The following DGKH variants were observed in gnomAD, a reference collection of about 807,000 sequenced individuals.
DGKH encodes DAG kinase eta.
A neutral mutation model predicts 159.3 loss-of-function variants in DGKH; 90 were observed. That is an observed-to-expected ratio of 0.57 (90% confidence interval 0.48 to 0.67). DGKH has a LOEUF of 0.67. DGKH is among the 30% of genes least tolerant of loss of function. The pLI is 0.00. For synonymous variants in DGKH, 536 were observed against 553.8 expected, an observed-to-expected ratio of 0.97 and a Z score of 0.45; for missense variants, 1,181 against 1,506.1, an observed-to-expected ratio of 0.78 and a Z score of 3.57.
intron 23 of DGKH, 29 bp downstream of exon 23, chr13:42,209,494 A>G (rs1177839354): frequency 1.3e-6 from 2 of 1,536,090 alleles, no homozygotes; most frequent in African/African-American, 1.4e-5. Context: ...CTTCTAGAAT[A>G]TTGTCAGGTT....
chr13:42,149,404 A>G (rs773156224), intron 3 of DGKH, among the ~76,000 whole-genome samples: 25 of 152,166 alleles, frequency 1.6e-4, no homozygotes, highest in Non-Finnish European at 2.6e-4. Context: ...AGAAGATGAC[A>G]GGAACCTACT....
At chr13:42,055,451 A>C (rs1313999114) in intron 1 of DGKH, among the ~76,000 whole-genome samples, 1 of 152,254 alleles carries the variant, frequency 6.6e-6, no homozygotes, top group East Asian at 1.9e-4. Context: ...CCATTATTAA[A>C]GATAAGAGAC....
intron 29 of DGKH, among the ~76,000 whole-genome samples, chr13:42,224,773 G>A (rs954578538): frequency 1.3e-5 from 2 of 151,850 alleles, no homozygotes; most frequent in African/African-American, 2.4e-5. Context: ...ACTCTCTTTT[G>A]CTGTGCTTCT....
chr13:42,136,957 A>G (rs1955414733), intron 3 of DGKH, among the ~76,000 whole-genome samples: 2 of 152,220 alleles, frequency 1.3e-5, no homozygotes, highest in African/African-American at 4.8e-5. Context: ...ACATACTCTT[A>G]TGGCACATCA....
intron 16 of DGKH, among the ~76,000 whole-genome samples, chr13:42,192,854 T>C (rs1028139481): frequency 5.3e-5 from 8 of 152,188 alleles, no homozygotes; most frequent in African/African-American, 9.7e-5. Context: ...TAAAATGTGA[T>C]GCACCATTTT....
intron 2 of DGKH, among the ~76,000 whole-genome samples, chr13:42,128,971 G>A (rs761713760): frequency 6.6e-6 from 1 of 152,212 alleles, no homozygotes; most frequent in Non-Finnish European, 1.5e-5. Context: ...GACTAAAAGT[G>A]GGAAGCCTAC....
chr13:42,080,944 A>C (rs1034019053), intron 1 of DGKH, among the ~76,000 whole-genome samples: 1 of 152,186 alleles, frequency 6.6e-6, no homozygotes, highest in Non-Finnish European at 1.5e-5. Flanking sequence ...GGAAACTAAG[A>C]ATCAGAGAAG....
intron 7 of DGKH, among the ~76,000 whole-genome samples, chr13:42,161,197 C>T (rs1594119021): frequency 6.6e-6 from 1 of 152,116 alleles, no homozygotes; most frequent in Non-Finnish European, 1.5e-5. Flanking sequence ...AGGAATTCTA[C>T]CCATAAACAA....
chr13:42,223,001 T>G (rs1449265126), intron 29 of DGKH, among the ~76,000 whole-genome samples: 1 of 152,212 alleles, frequency 6.6e-6, no homozygotes, highest in Admixed American at 6.5e-5. Context: ...GACTTTTTTG[T>G]TCTGTTTTGT....
chr13:42,239,523 G>A lies in DGKH; in HGVS notation c.*10335G>A, dbSNP rs990816147. The A allele has an allele frequency of 6.6e-6, 1 of 152,520 alleles. No individual in the cohort carries two copies. The highest frequency in any genetic ancestry group is 2.4e-5 in the African/African-American group (1 of 41,420). The allele number at this position is 152,520 out of a possible 1,614,324, so 9.4% of individuals were successfully genotyped here. A position where few individuals can be genotyped will look rare whatever the true frequency, so the allele number is the denominator to read the frequency against. On this transcript the variant is annotated 3_prime_UTR_variant, in exon 30 of 30. Transcript: ENST00000337343. ...TCATTTTTTGATTATGTCAAAAGTTGAATTCTCATTTTATGCTGTGTTTCT... is the reference window on the plus strand; with the variant it reads ...TCATTTTTTGATTATGTCAAAAGTTAAATTCTCATTTTATGCTGTGTTTCT...
rs1460696755 is a variant in DGKH, at chr13:42,237,108, A to C, written c.*7920A>C. 2.0e-5 allele frequency: 3 copies of C among 152,228 alleles called. No homozygotes were observed. Among genetic ancestry groups the C allele is most frequent in the Non-Finnish European group, 2.9e-5 (2 of 68,046 alleles). The allele number at this position is 152,228 out of a possible 1,614,324, so 9.4% of individuals were successfully genotyped here. On this transcript the variant is annotated 3_prime_UTR_variant, in exon 30 of 30. Transcript: ENST00000337343. ...ATTACTCTCAATTTAACTGTTTAAA[A>C]AACTAAAAATTTAAAACATAATGGC... is the stretch of plus-strand genomic sequence containing the variant.
chr13:42,198,039 T>G (rs1198096104), intron 17 of DGKH, among the ~76,000 whole-genome samples: 4 of 152,220 alleles, frequency 2.6e-5, no homozygotes, highest in Non-Finnish European at 5.9e-5. Context: ...ATACATCTCT[T>G]AATATTTTAA....
intron 13 of DGKH, among the ~76,000 whole-genome samples, chr13:42,179,783 A>AC (rs2138064820): frequency 6.6e-6 from 1 of 151,126 alleles, no homozygotes; most frequent in East Asian, 1.9e-4. Flanking sequence ...CTTGTCTCAA[A>AC]AAAAAAAAAA....
At chr13:42,110,543 G>A (rs1253222822) in intron 1 of DGKH, among the ~76,000 whole-genome samples, 2 of 149,084 alleles carry the variant, frequency 1.3e-5, no homozygotes, top group African/African-American at 5.0e-5. Context: ...GATGTGAGTA[G>A]GGGCATTTGA....
At chr13:42,209,588 G>T in intron 23 of DGKH, 123 bp downstream of exon 23, 1 of 1,127,530 alleles carries the variant, frequency 8.9e-7, no homozygotes, top group South Asian at 2.2e-5. Flanking sequence ...AGGTCATGGT[G>T]GTTTGAAATA....
chr13:42,189,122 C>A lies in DGKH; in HGVS notation c.1725C>A (p.Ser575Arg), dbSNP rs1293542698. The A allele has an allele frequency of 6.2e-7, 1 of 1,614,244 alleles. No individual in the cohort carries two copies. The highest frequency in any genetic ancestry group is 2.2e-5 in the East Asian group (1 of 44,888). Residue 575 changes from serine to arginine, a missense_variant, in exon 15 of 30, where the codon AGC becomes AGA. Ser to Arg is a moderately radical substitution (Grantham distance 110). Around this residue, in one of 5 missense-constraint regions of DGKH, gnomAD observed 257 missense variants for 281.5 expected, o/e 0.91. Transcript: ENST00000337343. ...CTGCGCCTGTTCTCCCTGGCCTCAG[C>A]CCTCTCATTGTGGAAGAAGATGCTG... ...SQAAPVLPGL[S>R]PLIVEEDAVE...
chr13:42,218,368 C>T (rs558847671), intron 26 of DGKH, among the ~76,000 whole-genome samples: 11 of 152,214 alleles, frequency 7.2e-5, no homozygotes, highest in African/African-American at 2.6e-4. Flanking sequence ...AGTTTTTCAT[C>T]ACAGATTTTT....
At chr13:42,199,998 A>T (rs1312211075) in intron 20 of DGKH, 89 bp downstream of exon 20, 1 of 1,060,226 alleles carries the variant, frequency 9.4e-7, no homozygotes, top group African/African-American at 1.6e-5. Flanking sequence ...ATGCGTTTTG[A>T]TTAGCAATTA....
Position 42,189,191 on chromosome 13 carries a change from G to T in DGKH, c.1794G>T (p.Gln598His), listed in dbSNP as rs557268522. 2.5e-6 allele frequency: 4 copies of T among 1,614,126 alleles called. No homozygotes were observed. The highest frequency in any genetic ancestry group is 3.4e-6 in the Non-Finnish European group (4 of 1,180,046). ...SEESLGESKE[Q>H]LGDDVTKPSS... Reference sequence around the variant, plus strand: ...AGTCCCTGGGTGAAAGCAAAGAGCAGCTTGGGGATGACGTTACAAAACCTT... The same window carrying T: ...AGTCCCTGGGTGAAAGCAAAGAGCATCTTGGGGATGACGTTACAAAACCTT... Residue 598 changes from glutamine to histidine, a missense_variant, in exon 15 of 30, where the codon CAG becomes CAT. By Grantham distance (24) the Gln-to-His change is conservative. Transcript: ENST00000337343.
Sources: allele counts gnomAD v4.1 joint callset (sites outside exome capture counted in the v4.1 genomes callset), GRCh38; gene constraint gnomAD v4.1.1; regional missense constraint gnomAD v4.1.1; transcripts MANE v1.5; gene names NCBI Gene and HGNC (gene_info 2026-07-23, HGNC 2026-07-21).